LRRTM4: variants seen among roughly 807,000 people sequenced by gnomAD.
LRRTM4 encodes leucine rich repeat transmembrane neuronal 4.
Under a neutral mutation model 47.6 loss-of-function variants are expected in LRRTM4, and 25 were observed. The observed-to-expected ratio is 0.53, with a 90% confidence interval of 0.38 to 0.73. LRRTM4 has a LOEUF of 0.73. LRRTM4 is among the 30% of genes least tolerant of loss of function. The pLI is 0.00. For synonymous variants in LRRTM4, 311 were observed against 269.5 expected, an observed-to-expected ratio of 1.15 and a Z score of -1.51; for missense variants, 638 against 713.4, an observed-to-expected ratio of 0.89 and a Z score of 1.20.
At chr2:76,957,461 G>C (rs1265160879) in intron 3 of LRRTM4, among the ~76,000 whole-genome samples, 3 of 151,688 alleles carry the variant, frequency 2.0e-5, no homozygotes, top group African/African-American at 7.3e-5. Flanking sequence ...CAAGGTAAAA[G>C]AACCCTGCTT....
intron 3 of LRRTM4, among the ~76,000 whole-genome samples, chr2:77,261,744 T>C (rs1675925199): frequency 6.6e-6 from 1 of 152,072 alleles, no homozygotes; most frequent in South Asian, 2.1e-4. Flanking sequence ...AAAAATCAAA[T>C]AAACAACAAC....
chr2:76,765,088 G>C, intron 3 of LRRTM4, among the ~76,000 whole-genome samples: 1 of 152,192 alleles, frequency 6.6e-6, no homozygotes, highest in Non-Finnish European at 1.5e-5. Context: ...GATTATTTTT[G>C]AGACTTAATA....
chr2:77,188,574 A>G (rs1673577922), intron 3 of LRRTM4, among the ~76,000 whole-genome samples: 1 of 152,140 alleles, frequency 6.6e-6, no homozygotes, highest in African/African-American at 2.4e-5. Context: ...TTTTATTGGC[A>G]TCTTCCTTTA....
At chr2:77,263,585 G>T (rs1356209770) in intron 3 of LRRTM4, among the ~76,000 whole-genome samples, 1 of 152,040 alleles carries the variant, frequency 6.6e-6, no homozygotes, top group Non-Finnish European at 1.5e-5. Context: ...TGGTTGAAGT[G>T]GGGAAAACAC....
chr2:76,777,285 A>G (rs1202183751), intron 3 of LRRTM4, among the ~76,000 whole-genome samples: 9 of 145,130 alleles, frequency 6.2e-5, no homozygotes, highest in Admixed American at 2.1e-4. Flanking sequence ...GTTTTTTCCA[A>G]TTCTGTGAAG....
chr2:77,013,713 A>C (rs755225495), intron 3 of LRRTM4, among the ~76,000 whole-genome samples: 2 of 152,200 alleles, frequency 1.3e-5, no homozygotes, highest in Non-Finnish European at 2.9e-5. Flanking sequence ...GTAAATTTAC[A>C]CAATCTCTTG....
intron 3 of LRRTM4, among the ~76,000 whole-genome samples, chr2:77,130,900 TCTTGGCTCACTGCAAG>T (rs1671782493): frequency 8.7e-6 from 1 of 115,480 alleles, no homozygotes; most frequent in African/African-American, 3.4e-5. Flanking sequence ...AGTGGCGGGA[TCTTGGCTCACTGCAAG>T]CTCCGCCTCC....
intron 3 of LRRTM4, among the ~76,000 whole-genome samples, chr2:77,076,741 T>C (rs1680349578): frequency 6.6e-6 from 1 of 152,202 alleles, no homozygotes; most frequent in South Asian, 2.1e-4. Flanking sequence ...TTCTTTAGTT[T>C]TTAAGTTGCG....
At chr2:76,821,306 A>C (rs1213878951) in intron 3 of LRRTM4, among the ~76,000 whole-genome samples, 2 of 151,710 alleles carry the variant, frequency 1.3e-5, no homozygotes, top group East Asian at 3.9e-4. Context: ...AAATCATAAA[A>C]AGTGATTTAA....
Position 77,002,310 on chromosome 2 carries a change from TAA to T in LRRTM4, c.1552-253396_1552-253395del, listed in dbSNP as rs562899190. Among the ~76,000 whole-genome samples, 81 of 152,260 alleles carry T rather than the reference TAA, an allele frequency of 5.3e-4. 1 individual carries two copies. The South Asian group carries it at 0.016, about 30-fold the overall frequency. Reference sequence around the variant, plus strand: ...AAATTTGGTGTCCTACCCAGATTTCTAAAAGAGAAGCTGGAAAAATCATGTGT... The same window carrying T: ...AAATTTGGTGTCCTACCCAGATTTCTAAGAGAAGCTGGAAAAATCATGTGT... On this transcript the variant is annotated intron_variant, in intron 3 of 3. Coordinates refer to ENST00000409884, the MANE Select transcript of LRRTM4 (RefSeq NM_001134745.3).
chr2:77,488,611 A>G lies in LRRTM4; in HGVS notation c.1551+29707T>C, dbSNP rs915042933. Among the ~76,000 whole-genome samples, 5 of 152,224 alleles carry G rather than the reference A, an allele frequency of 3.3e-5. No individual in the cohort carries two copies. The East Asian group carries it at 9.6e-4, about 29-fold the overall frequency. ...TGTTGAGACTTTAATGAAATTTTAA[A>G]GTGACATATTTGCAGGTTTATCAAG... is the stretch of plus-strand genomic sequence containing the variant. On this transcript the variant is annotated intron_variant, in intron 3 of 3. Coordinates refer to ENST00000409884, the MANE Select transcript of LRRTM4 (RefSeq NM_001134745.3).
At position 77,045,075 on chromosome 2, in the gene LRRTM4, GAGGT is replaced by G. The variant is rs1249718101; in HGVS notation, c.1552-296163_1552-296160del. Among the ~76,000 whole-genome samples, 1,066 of 151,940 alleles carry G rather than the reference GAGGT, an allele frequency of 7.0e-3. 11 individuals carry two copies. Among genetic ancestry groups the G allele is most frequent in the African/African-American group, 0.025 (1,028 of 41,492 alleles). On this transcript the variant is annotated intron_variant, in intron 3 of 3. Coordinates refer to ENST00000409884, the MANE Select transcript of LRRTM4 (RefSeq NM_001134745.3). ...TGAAAATAAATTCTCTTTACATAAAGAGGTAATATGGTATTTTTAGCAGAATATA... is the reference window on the plus strand; with the variant it reads ...TGAAAATAAATTCTCTTTACATAAAGAATATGGTATTTTTAGCAGAATATA...
intron 3 of LRRTM4, among the ~76,000 whole-genome samples, chr2:76,834,856 A>G (rs764653297): frequency 5.3e-5 from 8 of 152,206 alleles, no homozygotes; most frequent in Non-Finnish European, 1.0e-4. Context: ...ATAAATGCCA[A>G]GTGAAATTTT....
At chr2:76,932,880 A>T (rs1284585231) in intron 3 of LRRTM4, among the ~76,000 whole-genome samples, 3 of 152,120 alleles carry the variant, frequency 2.0e-5, no homozygotes, top group African/African-American at 7.2e-5. Flanking sequence ...GTTCTGGGGT[A>T]CATATGCAGA....
chr2:76,754,400 C>T (rs901368745), intron 3 of LRRTM4, among the ~76,000 whole-genome samples: 2 of 151,690 alleles, frequency 1.3e-5, no homozygotes, highest in Admixed American at 1.3e-4. Context: ...TTAATTGGCT[C>T]ATAGAATACA....
intron 3 of LRRTM4, among the ~76,000 whole-genome samples, chr2:77,285,754 A>G (rs1480836322): frequency 1.7e-5 from 2 of 120,320 alleles, no homozygotes; most frequent in Admixed American, 7.9e-5. Context: ...AAAAACAACA[A>G]AAAAAATCCT....
At chr2:77,009,397 T>C (rs1006543192) in intron 3 of LRRTM4, 10 of 152,162 alleles carry the variant, frequency 6.6e-5, no homozygotes, top group African/African-American at 2.4e-4. Flanking sequence ...GCTAGTGATT[T>C]TGAATTTCAA....
intron 3 of LRRTM4, among the ~76,000 whole-genome samples, chr2:76,988,125 C>T (rs914145296): frequency 2.6e-5 from 4 of 151,642 alleles, no homozygotes; most frequent in Admixed American, 6.6e-5. Context: ...ATAATTAGTT[C>T]TAATCATTAC....
intron 3 of LRRTM4, among the ~76,000 whole-genome samples, chr2:76,774,691 GCAGGAGAGT>G (rs1284264003): frequency 1.3e-5 from 2 of 152,136 alleles, no homozygotes; most frequent in East Asian, 3.9e-4. Flanking sequence ...GGAAGGAGAG[GCAGGAGAGT>G]CAGGCACATT....
Sources: allele counts gnomAD v4.1 joint callset (sites outside exome capture counted in the v4.1 genomes callset), GRCh38; gene constraint gnomAD v4.1.1; transcripts MANE v1.5; gene names NCBI Gene and HGNC (gene_info 2026-07-23, HGNC 2026-07-21).